Variants in SNTG1 observed in about 807,000 individuals in gnomAD.
SNTG1 encodes syntrophin gamma 1.
SNTG1 carries 39 observed loss-of-function variants against 74.7 expected under a neutral mutation model. That is an observed-to-expected ratio of 0.52 (90% confidence interval 0.40 to 0.68). The LOEUF (loss-of-function observed/expected upper bound fraction) is 0.68. SNTG1 is among the 30% of genes least tolerant of loss of function. SNTG1 has a pLI of 0.00. For synonymous variants in SNTG1, 254 were observed against 217.1 expected (o/e 1.17, Z -1.49); for missense variants, 685 against 609.5 (o/e 1.12, Z -1.30).
chr8:50,339,682 T>G (rs2091261545), intron 2 of SNTG1, among the ~76,000 whole-genome samples: 1 of 151,508 alleles, frequency 6.6e-6, no homozygotes, highest in Non-Finnish European at 1.5e-5. Flanking sequence ...AATGGAGTCA[T>G]AAAAAGCTCA....
intron 3 of SNTG1, among the ~76,000 whole-genome samples, chr8:50,398,078 C>G (rs543769574): frequency 2.0e-5 from 3 of 152,338 alleles, no homozygotes; most frequent in South Asian, 4.1e-4. Flanking sequence ...TCTTGCATCT[C>G]TCAGAGGAGC....
intron 2 of SNTG1, among the ~76,000 whole-genome samples, chr8:50,317,982 G>A (rs558793467): frequency 1.3e-5 from 2 of 152,122 alleles, no homozygotes; most frequent in South Asian, 2.1e-4. Context: ...GACTACAGGC[G>A]CTCGCCACCA....
chr8:50,014,698 G>T (rs1159631135), intron 1 of SNTG1, among the ~76,000 whole-genome samples: 1 of 152,064 alleles, frequency 6.6e-6, no homozygotes, highest in Non-Finnish European at 1.5e-5. Flanking sequence ...GCAATGTAGG[G>T]AAAACTTCTA....
chr8:49,943,918 T>A (rs1244133955), intron 1 of SNTG1, among the ~76,000 whole-genome samples: 3 of 152,242 alleles, frequency 2.0e-5, no homozygotes, highest in South Asian at 2.1e-4. Flanking sequence ...TTTATTTTTT[T>A]AAAAGCTTTT....
intron 2 of SNTG1, among the ~76,000 whole-genome samples, chr8:50,328,984 C>A (rs898768089): frequency 2.6e-5 from 4 of 152,078 alleles, no homozygotes; most frequent in African/African-American, 7.2e-5. Flanking sequence ...ACTTCCATTC[C>A]AAATGGGAGA....
intron 17 of SNTG1, among the ~76,000 whole-genome samples, chr8:50,717,920 G>A (rs981819028): frequency 1.2e-4 from 18 of 152,136 alleles, no homozygotes; most frequent in Admixed American, 2.6e-4. Flanking sequence ...TCAAGATGTC[G>A]AAGGGGCACT....
intron 9 of SNTG1, among the ~76,000 whole-genome samples, chr8:50,516,932 G>A (rs893185606): frequency 1.3e-5 from 2 of 152,086 alleles, no homozygotes; most frequent in Non-Finnish European, 2.9e-5. Context: ...TCAAATTCAG[G>A]AAATACAGAG....
chr8:50,628,046 C>T (rs940796795), intron 13 of SNTG1, among the ~76,000 whole-genome samples: 1 of 152,202 alleles, frequency 6.6e-6, no homozygotes, highest in Non-Finnish European at 1.5e-5. Context: ...CAGCCCCATC[C>T]TGAAGCTGCC....
intron 12 of SNTG1, among the ~76,000 whole-genome samples, chr8:50,578,206 A>G (rs2094587676): frequency 6.6e-6 from 1 of 152,240 alleles, no homozygotes; most frequent in Admixed American, 6.5e-5. Flanking sequence ...AGACCCAAAG[A>G]GAAAGTCACC....
At chr8:50,409,595 C>A (rs983270226) in intron 4 of SNTG1, among the ~76,000 whole-genome samples, 9 of 152,144 alleles carry the variant, frequency 5.9e-5, no homozygotes, top group Admixed American at 3.3e-4. Flanking sequence ...AGAAAGCAAT[C>A]ATCTTCCCCT....
intron 1 of SNTG1, among the ~76,000 whole-genome samples, chr8:50,052,985 C>T (rs562579788): frequency 1.3e-5 from 2 of 152,234 alleles, no homozygotes; most frequent in African/African-American, 4.8e-5. Context: ...GCACAGCTGC[C>T]TTACAAAACC....
intron 1 of SNTG1, among the ~76,000 whole-genome samples, chr8:50,138,216 C>T (rs2081538182): frequency 6.6e-6 from 1 of 151,952 alleles, no homozygotes; most frequent in African/African-American, 2.4e-5. Context: ...GAAATTCACA[C>T]ATATGTTTTC....
At chr8:50,787,596 C>A (rs896115055) in intron 18 of SNTG1, among the ~76,000 whole-genome samples, 1 of 151,562 alleles carries the variant, frequency 6.6e-6, no homozygotes, top group African/African-American at 2.4e-5. Context: ...AAAGTAGGAA[C>A]AACCCAAATG....
intron 1 of SNTG1, among the ~76,000 whole-genome samples, chr8:50,023,577 G>C (rs1817010413): frequency 6.6e-6 from 1 of 152,134 alleles, no homozygotes; most frequent in Admixed American, 6.6e-5. Context: ...ATGAGTTTCT[G>C]AAAATTTCAT....
chr8:50,034,995 A>G (rs557155953), intron 1 of SNTG1, among the ~76,000 whole-genome samples: 196 of 152,224 alleles, frequency 1.3e-3, no homozygotes, highest in Non-Finnish European at 2.2e-3. Context: ...TGCACAGAAC[A>G]ATCTGCACTC....
At chr8:50,039,069 C>T (rs761293418) in intron 1 of SNTG1, among the ~76,000 whole-genome samples, 3 of 152,068 alleles carry the variant, frequency 2.0e-5, no homozygotes, top group Admixed American at 6.5e-5. Context: ...AAAATGGGGT[C>T]GTTTGCTTAA....
chr8:50,082,376 T>C (rs1822490231), intron 1 of SNTG1, among the ~76,000 whole-genome samples: 1 of 152,256 alleles, frequency 6.6e-6, no homozygotes, highest in South Asian at 2.1e-4. Flanking sequence ...GTTGTAATTC[T>C]AGATTCTGAC....
chr8:50,549,540 A>T (rs778361230), intron 11 of SNTG1, among the ~76,000 whole-genome samples: 1 of 152,098 alleles, frequency 6.6e-6, no homozygotes, highest in African/African-American at 2.4e-5. Context: ...CTAAAATATA[A>T]ACATGATCCT....
chr8:50,493,236 T>C (rs1047677600), intron 8 of SNTG1, among the ~76,000 whole-genome samples: 2 of 152,176 alleles, frequency 1.3e-5, no homozygotes, highest in African/African-American at 4.8e-5. Context: ...CTTCTATGCA[T>C]ATGATCCTTT....
Sources: allele counts gnomAD v4.1 joint callset (sites outside exome capture counted in the v4.1 genomes callset), GRCh38; gene constraint gnomAD v4.1.1; transcripts MANE v1.5; gene names NCBI Gene and HGNC (gene_info 2026-07-23, HGNC 2026-07-21).